PHC3: variants seen among roughly 807,000 people sequenced by gnomAD.
The protein encoded by PHC3 is polyhomeotic homolog 3.
PHC3 carries 13 observed loss-of-function variants against 107.4 expected under a neutral mutation model. The ratio of observed to expected loss-of-function variants is 0.12; its 90% CI spans 0.08 to 0.19. The LOEUF is 0.19. PHC3 is among the 10% of genes least tolerant of loss of function. The pLI, the probability that PHC3 is intolerant of heterozygous loss-of-function variation, is 1.00. For synonymous variants in PHC3, 456 were observed against 427.4 expected (o/e 1.07, Z -0.83); for missense variants, 992 against 1,210.9 (o/e 0.82, Z 2.68).
At position 170,097,160 on chromosome 3, in the gene PHC3, T is replaced by A. The variant is rs1714726949; in HGVS notation, c.*70A>T. 36 of 1,481,742 alleles carry A rather than the reference T, an allele frequency of 2.4e-5. 1 individual carries two copies. Among genetic ancestry groups the A allele is most frequent in the South Asian group, 2.1e-4 (15 of 71,106 alleles). The allele number at this position is 1,481,742 out of a possible 1,614,324, so 91.8% of individuals were successfully genotyped here. ...AATAAGTGTCATATTCTAGACCAAG[T>A]TAGGCCTTTACCTTACAAGTTTTTG... On this transcript the variant is annotated 3_prime_UTR_variant, in exon 15 of 15. Transcript: ENST00000495893. This position sits in a 1 kb window ranked among gnomAD's most constrained non-coding sequence, Gnocchi z 4.1.
At chr3:170,134,058 G>A (rs1160491044) in intron 7 of PHC3, among the ~76,000 whole-genome samples, 2 of 151,942 alleles carry the variant, frequency 1.3e-5, no homozygotes. Flanking sequence ...CTAGCCAGAC[G>A]CTGGTTTGAG....
intron 5 of PHC3, chr3:170,148,475 T>C (rs1310498332): frequency 1.3e-5 from 2 of 152,194 alleles, no homozygotes; most frequent in East Asian, 1.9e-4. Context: ...AATCTGTAGA[T>C]ACTCAAATAC....
chr3:170,133,800 G>A (rs1210693793), intron 7 of PHC3, among the ~76,000 whole-genome samples: 1 of 152,136 alleles, frequency 6.6e-6, no homozygotes, highest in Non-Finnish European at 1.5e-5. Context: ...TAATGAAAGA[G>A]GGGAGAATAA....
chr3:170,103,333 T>C (rs1026036791), intron 12 of PHC3, among the ~76,000 whole-genome samples: 5 of 152,224 alleles, frequency 3.3e-5, no homozygotes, highest in African/African-American at 1.2e-4. Context: ...TTCTAAGTAA[T>C]AACTTCCAAA....
intron 1 of PHC3, among the ~76,000 whole-genome samples, chr3:170,180,539 A>G (rs562805369): frequency 2.1e-4 from 32 of 152,008 alleles, no homozygotes; most frequent in African/African-American, 7.5e-4. Flanking sequence ...GGATTAGTAA[A>G]TAATTCATAC....
At chr3:170,103,006 T>G in intron 12 of PHC3, 72 bp from the exon 13 acceptor site, 2 of 1,441,290 alleles carry the variant, frequency 1.4e-6, no homozygotes, top group Non-Finnish European at 1.9e-6. Flanking sequence ...ATTGTGACTT[T>G]AAAGTGCAAC....
intron 4 of PHC3, among the ~76,000 whole-genome samples, chr3:170,154,094 A>G: frequency 6.6e-6 from 1 of 152,074 alleles, no homozygotes; most frequent in East Asian, 1.9e-4. Context: ...CCGTCCATAT[A>G]CTTTTAGCAT....
rs965013493 is a variant in PHC3, at chr3:170,127,351, T to C, written c.1788+1333A>G. Among the ~76,000 whole-genome samples, 6 of 152,158 alleles carry C rather than the reference T, an allele frequency of 3.9e-5. No homozygotes were observed. The South Asian group carries it at 1.2e-3, about 32-fold the overall frequency. ...CGGGTAATTTTTGTATTTTTCTGTG[T>C]AGACAGGGTTTCACCCTGTTTGCCA... On this transcript the variant is annotated intron_variant, in intron 8 of 14. Transcript: ENST00000495893.
intron 4 of PHC3, among the ~76,000 whole-genome samples, chr3:170,154,870 GA>G (rs932506667): frequency 1.3e-5 from 2 of 152,178 alleles, no homozygotes; most frequent in African/African-American, 4.8e-5. Context: ...TTCCACAACT[GA>G]TAAGGCTCTC....
chr3:170,138,148 T>C (rs1163653579), intron 6 of PHC3, among the ~76,000 whole-genome samples: 2 of 151,988 alleles, frequency 1.3e-5, no homozygotes, highest in South Asian at 2.1e-4. Flanking sequence ...AGCCAAGATA[T>C]TGCGCCATTG....
chr3:170,176,820 A>G, intron 2 of PHC3: 1 of 435,864 alleles, frequency 2.3e-6, no homozygotes, highest in Non-Finnish European at 4.6e-6. Context: ...TCTCAAAGAT[A>G]CTTCATTTAA....
chr3:170,097,142 G>T lies in PHC3; in HGVS notation c.*88C>A. ...TGCTTGGCTATCCACCACAATAAGT[G>T]TCATATTCTAGACCAAGTTAGGCCT... is the stretch of plus-strand genomic sequence containing the variant. On this transcript the variant is annotated 3_prime_UTR_variant, in exon 15 of 15. Coordinates refer to ENST00000495893, the MANE Select transcript of PHC3 (RefSeq NM_024947.4). The surrounding 1 kb of genome is among the most constrained non-coding windows in gnomAD (Gnocchi z 4.1). The T allele has an allele frequency of 2.2e-6, 3 of 1,337,790 alleles. No homozygotes were observed. Among genetic ancestry groups the T allele is most frequent in the South Asian group, 1.8e-5 (1 of 56,448 alleles). The allele number at this position is 1,337,790 out of a possible 1,614,324, so 82.9% of individuals were successfully genotyped here. A position where few individuals can be genotyped will look rare whatever the true frequency, so the allele number is the denominator to read the frequency against.
In PHC3 at chr3:170,171,431, C is replaced by A. The variant is rs903917255; in HGVS notation, c.356G>T (p.Arg119Ile). The A allele has an allele frequency of 5.6e-6, 9 of 1,604,228 alleles. No homozygotes were observed. The highest frequency in any genetic ancestry group is 7.6e-6 in the Non-Finnish European group (9 of 1,176,470). The change falls in exon 4 of 15, where the codon AGA (arginine) becomes ATA (isoleucine). Residue 119 changes from arginine (R) to isoleucine (I), a missense_variant. Arg to Ile is a moderately conservative substitution (Grantham distance 97). Coordinates refer to ENST00000495893, the MANE Select transcript of PHC3 (RefSeq NM_024947.4). ...ACTTCCTGTGGGAGATGTAGATGGTCTTCCACTGGACAAACTTGCCTAAAA... is the reference window on the plus strand; with the variant it reads ...ACTTCCTGTGGGAGATGTAGATGGTATTCCACTGGACAAACTTGCCTAAAA... Reference protein sequence around the residue: ...AAVQASLSSGRPSTSPTGSVT... With the variant: ...AAVQASLSSGIPSTSPTGSVT...
rs1008337706 is a variant in PHC3, at chr3:170,129,259, G to C, written c.1213C>G (p.Gln405Glu). Reference sequence around the variant, plus strand: ...GGAGGAGACACCACTACAGACTGCTGTGCTGACTGTGACTGATTAGGAGAC... The same window carrying C: ...GGAGGAGACACCACTACAGACTGCTCTGCTGACTGTGACTGATTAGGAGAC... ...TVSPNQSQSAQQSVVVSPPPP... is the reference protein window; with the variant it reads ...TVSPNQSQSAEQSVVVSPPPP... Residue 405 changes from glutamine (Q) to glutamate (E), a missense_variant, in exon 8 of 15, where the codon CAG becomes GAG. Gln to Glu is a conservative substitution (Grantham distance 29). This residue lies in a region of PHC3 where 543 missense variants were observed against 590.8 expected (regional missense o/e 0.92). Coordinates refer to ENST00000495893, the MANE Select transcript of PHC3 (RefSeq NM_024947.4). 1.8e-5 allele frequency: 29 copies of C among 1,613,274 alleles called. No homozygotes were observed. Among genetic ancestry groups the C allele is most frequent in the Admixed American group, 5.0e-5 (3 of 60,012 alleles).
intron 8 of PHC3, among the ~76,000 whole-genome samples, chr3:170,126,255 G>C (rs1577068790): frequency 6.6e-6 from 1 of 151,748 alleles, no homozygotes; most frequent in South Asian, 2.1e-4. Flanking sequence ...AACACATTTG[G>C]TCAAAGGTAA....
At chr3:170,107,608 C>A (rs1029625522) in intron 11 of PHC3, among the ~76,000 whole-genome samples, 14 of 152,114 alleles carry the variant, frequency 9.2e-5, no homozygotes, top group African/African-American at 2.9e-4. Context: ...ACATAAAATT[C>A]TTTAAAAAGA....
At chr3:170,107,035 T>C in intron 11 of PHC3, 89 bp from the exon 12 acceptor site, 1 of 835,600 alleles carries the variant, frequency 1.2e-6, no homozygotes, top group Non-Finnish European at 1.8e-6. Flanking sequence ...TGGATACTGC[T>C]AGCAAACCAA....
Position 170,097,140 on chromosome 3 carries a change from G to A in PHC3, c.*90C>T. 7.7e-7 allele frequency: 1 copy of A among 1,293,910 alleles called. No individual in the cohort carries two copies. The highest frequency in any genetic ancestry group is 1.5e-5 in the African/African-American group (1 of 68,504). The allele number at this position is 1,293,910 out of a possible 1,614,324, so 80.2% of individuals were successfully genotyped here. On this transcript the variant is annotated 3_prime_UTR_variant, in exon 15 of 15. Transcript: ENST00000495893. This position sits in a 1 kb window ranked among gnomAD's most constrained non-coding sequence, Gnocchi z 4.1. ...TGTGCTTGGCTATCCACCACAATAA[G>A]TGTCATATTCTAGACCAAGTTAGGC...
chr3:170,170,016 T>G (rs1464818383), intron 4 of PHC3: 1 of 151,664 alleles, frequency 6.6e-6, no homozygotes, highest in Non-Finnish European at 1.5e-5. Flanking sequence ...AAACTAATCT[T>G]GTTCACACTC....
Sources: allele counts gnomAD v4.1 joint callset (sites outside exome capture counted in the v4.1 genomes callset), GRCh38; gene constraint gnomAD v4.1.1; regional missense constraint gnomAD v4.1.1; non-coding constraint Gnocchi (gnomAD v3.1); transcripts MANE v1.5; gene names NCBI Gene and HGNC (gene_info 2026-07-23, HGNC 2026-07-21).